The following KIAA1217 variants were observed in gnomAD, a reference collection of about 807,000 sequenced individuals.
KIAA1217 encodes sickle tail protein homolog.
Under a neutral mutation model 163.9 loss-of-function variants are expected in KIAA1217, and 88 were observed. The observed-to-expected ratio is 0.54, with a 90% confidence interval of 0.45 to 0.64. The LOEUF (loss-of-function observed/expected upper bound fraction) is 0.64, where lower values mean the gene tolerates loss of function less well. KIAA1217 is among the 30% of genes least tolerant of loss of function. The pLI, the probability that KIAA1217 is intolerant of heterozygous loss-of-function variation, is 0.00. For missense variants in KIAA1217, 2,372 were observed against 2,475.0 expected (o/e 0.96, Z 0.88); for synonymous variants, 903 against 923.1 (o/e 0.98, Z 0.39).
At chr10:24,349,178 T>A (rs2048168679) in intron 2 of KIAA1217, among the ~76,000 whole-genome samples, 2 of 150,138 alleles carry the variant, frequency 1.3e-5, no homozygotes, top group Admixed American at 1.3e-4. Flanking sequence ...TGAGATCTCA[T>A]ATTTTTGTAG....
At chr10:23,730,338 A>T (rs1838407173) in intron 1 of KIAA1217, among the ~76,000 whole-genome samples, 1 of 152,098 alleles carries the variant, frequency 6.6e-6, no homozygotes, top group African/African-American at 2.4e-5. Flanking sequence ...TTATTTGTCA[A>T]ATATCAGGTG....
intron 1 of KIAA1217, among the ~76,000 whole-genome samples, chr10:23,997,686 C>T (rs145104208): frequency 2.3e-4 from 35 of 152,246 alleles, no homozygotes; most frequent in African/African-American, 5.1e-4. Context: ...TGTAACAGAC[C>T]TGGGCCTTTC....
intron 1 of KIAA1217, among the ~76,000 whole-genome samples, chr10:23,790,450 TACATGTGCATATATACATATATAC>T (rs1835809079): frequency 9.4e-6 from 1 of 106,494 alleles, no homozygotes; most frequent in African/African-American, 5.2e-5. Context: ...TATACATATA[TACATGTGCATATATACATATATAC>T]ATGTGCATAT....
chr10:24,423,818 G>A (rs1239165334), intron 3 of KIAA1217, among the ~76,000 whole-genome samples: 3 of 152,200 alleles, frequency 2.0e-5, no homozygotes, highest in African/African-American at 4.8e-5. Context: ...TTACAGGCAT[G>A]AGCCACAGCA....
At chr10:23,872,446 C>T (rs1421000487) in intron 1 of KIAA1217, among the ~76,000 whole-genome samples, 2 of 152,074 alleles carry the variant, frequency 1.3e-5, no homozygotes, top group Non-Finnish European at 2.9e-5. Context: ...ATGCTGTTTG[C>T]ATCTTGAGGA....
chr10:24,230,090 A>T (rs1281172778), intron 2 of KIAA1217, among the ~76,000 whole-genome samples: 1 of 152,212 alleles, frequency 6.6e-6, no homozygotes, highest in Non-Finnish European at 1.5e-5. Context: ...TAACATGCTC[A>T]GTATTTTTTT....
At chr10:24,474,180 G>A (rs545417138) in intron 6 of KIAA1217, 120 bp downstream of exon 6, 3 of 730,630 alleles carry the variant, frequency 4.1e-6, no homozygotes, top group Non-Finnish European at 6.6e-6. Flanking sequence ...AGCATGTCCT[G>A]TGGATGCTGC....
chr10:24,272,957 TAGAC>T (rs772006126), intron 2 of KIAA1217, among the ~76,000 whole-genome samples: 1 of 152,244 alleles, frequency 6.6e-6, no homozygotes, highest in African/African-American at 2.4e-5. Context: ...AATGAAGTCT[TAGAC>T]AGCAGAATGT....
At chr10:24,149,356 G>A (rs1381746985) in intron 2 of KIAA1217, among the ~76,000 whole-genome samples, 2 of 151,434 alleles carry the variant, frequency 1.3e-5, no homozygotes, top group Non-Finnish European at 2.9e-5. Flanking sequence ...ATTTTTTTTT[G>A]TACTTTTAGT....
At chr10:23,831,458 C>A (rs910672904) in intron 1 of KIAA1217, among the ~76,000 whole-genome samples, 1 of 152,012 alleles carries the variant, frequency 6.6e-6, no homozygotes, top group African/African-American at 2.4e-5. Context: ...AAAGAAAGGG[C>A]AAATAACTTG....
At chr10:24,033,180 C>T (rs1848258756) in intron 2 of KIAA1217, among the ~76,000 whole-genome samples, 1 of 152,152 alleles carries the variant, frequency 6.6e-6, no homozygotes, top group South Asian at 2.1e-4. Flanking sequence ...TATAAAGCAA[C>T]TTTTACTGAA....
intron 2 of KIAA1217, among the ~76,000 whole-genome samples, chr10:24,008,902 C>T (rs1847126772): frequency 1.3e-5 from 2 of 152,198 alleles, no homozygotes; most frequent in Non-Finnish European, 2.9e-5. Flanking sequence ...CAGCAGACTA[C>T]CATAAATAAC....
At chr10:24,294,159 G>C (rs2079424184) in intron 2 of KIAA1217, among the ~76,000 whole-genome samples, 1 of 122,762 alleles carries the variant, frequency 8.1e-6, no homozygotes, top group African/African-American at 3.1e-5. Context: ...CTGCACTCCA[G>C]CCTGGGTGAC....
At chr10:24,471,934 C>T (rs759052673) in intron 5 of KIAA1217, among the ~76,000 whole-genome samples, 8 of 151,736 alleles carry the variant, frequency 5.3e-5, no homozygotes, top group Non-Finnish European at 1.0e-4. Flanking sequence ...TTTACCTCCC[C>T]GCAAACTTAA....
chr10:24,107,664 T>G lies in KIAA1217; in HGVS notation c.-171+100290T>G, dbSNP rs181539130. On this transcript the variant is annotated intron_variant, in intron 2 of 18. Coordinates refer to the KIAA1217 transcript ENST00000376462. ...TTTTGAGCGTTTTTTCATATGCTTG[T>G]TGGCCACACATATGTCTTCTTTTGA... Among the ~76,000 whole-genome samples, 4 of 152,336 alleles carry G rather than the reference T, an allele frequency of 2.6e-5. No individual in the cohort carries two copies. In the East Asian group the frequency reaches 7.7e-4, roughly 29 times the overall value.
intron 2 of KIAA1217, among the ~76,000 whole-genome samples, chr10:24,088,294 T>C (rs1474747809): frequency 8.7e-6 from 1 of 114,712 alleles, no homozygotes; most frequent in Non-Finnish European, 2.1e-5. Context: ...TATGTGTATA[T>C]ATATATATAT....
chr10:24,520,689 A>ACACACACACACACACAC (rs763777354), intron 11 of KIAA1217, among the ~76,000 whole-genome samples: 11 of 103,146 alleles, frequency 1.1e-4, no homozygotes, highest in African/African-American at 3.9e-4. Context: ...CACACACACA[A>ACACACACACACACACAC]AAAAAAATTA....
At chr10:23,867,962 T>C (rs1185658654) in intron 1 of KIAA1217, among the ~76,000 whole-genome samples, 1 of 152,186 alleles carries the variant, frequency 6.6e-6, no homozygotes, top group African/African-American at 2.4e-5. Context: ...CTAGGTTTTC[T>C]TCTAGGATTT....
chr10:24,542,030 G>T (rs2075173302), intron 17 of KIAA1217, among the ~76,000 whole-genome samples: 1 of 152,172 alleles, frequency 6.6e-6, no homozygotes, highest in South Asian at 2.1e-4. Context: ...GGTTATTTTG[G>T]CACTTCGACA....
Sources: gnomAD v4.1 joint callset for allele counts (sites outside exome capture counted in the v4.1 genomes callset) on GRCh38, gnomAD v4.1.1 for gene constraint, MANE v1.5 for transcripts, NCBI Gene and HGNC (gene_info 2026-07-23, HGNC 2026-07-21) for gene names.